The following SGO2 variants were observed in gnomAD, a reference collection of about 807,000 sequenced individuals.
The protein encoded by SGO2 is shugoshin 2, also known as shugoshin-like 2.
Under a neutral mutation model 99.5 loss-of-function variants are expected in SGO2, and 68 were observed. The observed-to-expected ratio is 0.68, with a 90% CI of 0.56 to 0.84. SGO2 has a LOEUF of 0.84. SGO2 is among the 40% of genes least tolerant of loss of function. The pLI is 0.00. For synonymous variants in SGO2, 457 were observed against 487.1 expected, an observed-to-expected ratio of 0.94 and a Z score of 0.81; for missense variants, 1,350 against 1,436.7, an observed-to-expected ratio of 0.94 and a Z score of 0.97.
intron 1 of SGO2, among the ~76,000 whole-genome samples, chr2:200,528,869 A>G (rs1175813024): frequency 6.6e-6 from 1 of 152,214 alleles, no homozygotes; most frequent in Admixed American, 6.5e-5. Context: ...CTCAGAACAA[A>G]CAGAAGAATG....
chr2:200,545,600 A>C (rs7581259), intron 5 of SGO2, among the ~76,000 whole-genome samples: 120,078 of 151,650 alleles, frequency 0.79, 47,762 homozygotes, highest in Non-Finnish European at 0.83. Context: ...CAGCCCAGAG[A>C]TCAAGCTAGT....
chr2:200,580,664 T>C (rs939587027), intron 8 of SGO2: 5 of 241,776 alleles, frequency 2.1e-5, no homozygotes, highest in Non-Finnish European at 4.1e-5. Context: ...AGACGCTCAC[T>C]CTACAAAAAA....
chr2:200,533,140 G>T (rs528576260), intron 2 of SGO2, 32 bp downstream of exon 2: 1 of 1,518,292 alleles, frequency 6.6e-7, no homozygotes, highest in African/African-American at 1.4e-5. Flanking sequence ...ATACACTCAC[G>T]TTTTAACTTT....
chr2:200,577,638 G>T (rs1574888430), intron 8 of SGO2, among the ~76,000 whole-genome samples: 1 of 148,956 alleles, frequency 6.7e-6, no homozygotes. Context: ...TTTAGTTGTT[G>T]TTTCTCCTAA....
intron 5 of SGO2, among the ~76,000 whole-genome samples, chr2:200,551,524 T>C (rs1037540834): frequency 1.3e-5 from 2 of 152,114 alleles, no homozygotes; most frequent in African/African-American, 4.8e-5. Flanking sequence ...ATGGGAAAGA[T>C]GTAAGTCATA....
At position 200,583,582 on chromosome 2, in the gene SGO2, C is replaced by T. The variant is rs772755347; in HGVS notation, c.*118C>T. The T allele has an allele frequency of 2.5e-4, 215 of 848,426 alleles. 2 individuals carry two copies. The highest frequency in any genetic ancestry group is 2.6e-4 in the Non-Finnish European group (144 of 564,074). The allele number at this position is 848,426 out of a possible 1,614,324, so 52.6% of individuals were successfully genotyped here. A position where few individuals can be genotyped will look rare whatever the true frequency, so the allele number is the denominator to read the frequency against. On this transcript the variant is annotated 3_prime_UTR_variant, in exon 9 of 9. Transcript: ENST00000357799. ...AAGGTTTTTTTTTTGTTTCTTTGGCCTTTCATGGAGTGTTGATTTGTCCAT... is the reference window on the plus strand; with the variant it reads ...AAGGTTTTTTTTTTGTTTCTTTGGCTTTTCATGGAGTGTTGATTTGTCCAT...
intron 5 of SGO2, among the ~76,000 whole-genome samples, chr2:200,565,544 A>C (rs546748244): frequency 7.9e-5 from 12 of 152,118 alleles, no homozygotes; most frequent in African/African-American, 2.9e-4. Context: ...TGTGTCTTGG[A>C]GTTGCTCTTC....
intron 8 of SGO2, among the ~76,000 whole-genome samples, chr2:200,582,999 G>C (rs1205134726): frequency 6.6e-6 from 1 of 152,156 alleles, no homozygotes; most frequent in African/African-American, 2.4e-5. Flanking sequence ...AAAGAAAGGA[G>C]TGATAATAGA....
chr2:200,567,101 C>T (rs1461849111), intron 5 of SGO2, among the ~76,000 whole-genome samples: 1 of 152,230 alleles, frequency 6.6e-6, no homozygotes, highest in Non-Finnish European at 1.5e-5. Flanking sequence ...CAACAAGCCC[C>T]ACTGAGATGA....
Position 200,575,428 on chromosome 2 carries a change from C to A in SGO2, c.3749C>A (p.Thr1250Asn), listed in dbSNP as rs1265067365. Residue 1250 changes from threonine (T) to asparagine (N), a missense_variant, in exon 8 of 9, where the codon ACT (threonine) becomes AAT (asparagine). Thr to Asn is a moderately conservative substitution (Grantham distance 65, BLOSUM62 0). Coordinates refer to ENST00000357799, the MANE Select transcript of SGO2 (RefSeq NM_152524.6). ...CGGACAAGCAGAAGAAGAAGGTGTA[C>A]TCCTTTCTATTTTAAAGAGCCAAGC... is the stretch of plus-strand genomic sequence containing the variant. ...SERTSRRRRC[T>N]PFYFKEPSLR... 1 of 1,597,364 alleles carries A rather than the reference C, an allele frequency of 6.3e-7. No homozygotes were observed. The highest frequency in any genetic ancestry group is 1.7e-5 in the Admixed American group (1 of 59,388).
chr2:200,578,429 C>T (rs1420572556), intron 8 of SGO2, among the ~76,000 whole-genome samples: 1 of 152,140 alleles, frequency 6.6e-6, no homozygotes, highest in African/African-American at 2.4e-5. Context: ...TAATTAGGTG[C>T]TCTGCTTAGG....
At chr2:200,562,092 T>C (rs2032996197) in intron 5 of SGO2, among the ~76,000 whole-genome samples, 1 of 152,256 alleles carries the variant, frequency 6.6e-6, no homozygotes, top group African/African-American at 2.4e-5. Flanking sequence ...TGGCTTTTGC[T>C]GCAATTGCTT....
At chr2:200,566,612 GT>G (rs1034728084) in intron 5 of SGO2, among the ~76,000 whole-genome samples, 4 of 152,172 alleles carry the variant, frequency 2.6e-5, no homozygotes, top group Non-Finnish European at 4.4e-5. Context: ...AGACAGGGAC[GT>G]TTAAGTCTGC....
chr2:200,567,864 G>A (rs1467120586), intron 5 of SGO2, among the ~76,000 whole-genome samples: 1 of 152,142 alleles, frequency 6.6e-6, no homozygotes, highest in Non-Finnish European at 1.5e-5. Context: ...ATCAATCAAT[G>A]GACATTTGTA....
At chr2:200,558,725 ATT>A (rs199948791) in intron 5 of SGO2, among the ~76,000 whole-genome samples, 13 of 95,724 alleles carry the variant, frequency 1.4e-4, no homozygotes, top group Non-Finnish European at 1.3e-4. Flanking sequence ...TTTGTGTAGG[ATT>A]TTTTTTTTTT....
rs755233399 is a variant in SGO2 at position 200,573,296 on chromosome 2, A to G, written c.2950A>G (p.Lys984Glu). 1 of 1,605,660 alleles carries G rather than the reference A, an allele frequency of 6.2e-7. No homozygotes were observed. Among genetic ancestry groups the G allele is most frequent in the Non-Finnish European group, 8.5e-7 (1 of 1,177,662 alleles). The change falls in exon 7 of 9, where the codon AAA (lysine) becomes GAA (glutamate). Residue 984 changes from lysine to glutamate, a missense_variant. Lys to Glu is a moderately conservative substitution (Grantham distance 56). Transcript: ENST00000357799. Reference protein sequence around the residue: ...DQILDSYKVVKKRKKESSCKA... With the variant: ...DQILDSYKVVEKRKKESSCKA... Reference sequence around the variant, plus strand: ...AATTTTAGATTCCTACAAAGTAGTTAAAAAACGTAAGAAAGAATCATCATG... The same window carrying G: ...AATTTTAGATTCCTACAAAGTAGTTGAAAAACGTAAGAAAGAATCATCATG...
Position 200,575,449 on chromosome 2 carries a change from C to A in SGO2, c.3770C>A (p.Pro1257Gln). 1 of 1,586,596 alleles carries A rather than the reference C, an allele frequency of 6.3e-7. No individual in the cohort carries two copies. Among genetic ancestry groups the A allele is most frequent in the Non-Finnish European group, 8.6e-7 (1 of 1,163,534 alleles). ...RRCTPFYFKE[P>Q]SLRDKMRR ...TGTACTCCTTTCTATTTTAAAGAGC[C>A]AAGCCTCAGAGAGTAAGTATTTCAA... The change falls in exon 8 of 9, where the codon CCA becomes CAA. Residue 1257 changes from proline to glutamine, a missense_variant. By Grantham distance (76) the Pro-to-Gln change is moderately conservative. Coordinates refer to ENST00000357799, the MANE Select transcript of SGO2 (RefSeq NM_152524.6).
chr2:200,540,014 T>A (rs2031885868), intron 4 of SGO2, among the ~76,000 whole-genome samples: 1 of 152,210 alleles, frequency 6.6e-6, no homozygotes, highest in African/African-American at 2.4e-5. Context: ...ATTTAATTTA[T>A]TTTATTTTAT....
Position 200,536,008 on chromosome 2 carries a change from T to C in SGO2, c.310-57T>C, listed in dbSNP as rs555111132. ...GGATGGCATTCATAAATGCCTGATA[T>C]TATAATAAATTACAAGTCTTAACTG... On this transcript the variant is annotated intron_variant, in intron 3 of 8. Transcript: ENST00000357799. 3.5e-4 allele frequency: 385 copies of C among 1,100,920 alleles called. 2 individuals are homozygous for C. In the African/African-American group the frequency reaches 5.5e-3, roughly 16 times the overall value. 68.2% of individuals were successfully genotyped at this position (1,100,920 alleles called of 1,614,324 possible).
Sources: allele counts gnomAD v4.1 joint callset (sites outside exome capture counted in the v4.1 genomes callset), GRCh38; gene constraint gnomAD v4.1.1; transcripts MANE v1.5; gene names NCBI Gene and HGNC (gene_info 2026-07-23, HGNC 2026-07-21).